The following METTL16 variants were observed in gnomAD, a reference collection of about 807,000 sequenced individuals.
METTL16 encodes the protein RNA N(6)-adenosine-methyltransferase METTL16.
In METTL16, 19 loss-of-function variants were observed where a neutral mutation model predicts 57.9. The ratio of observed to expected loss-of-function variants is 0.33; its 90% confidence interval spans 0.23 to 0.48. METTL16 has a LOEUF of 0.48. Ranked by LOEUF, METTL16 falls within the 20% of genes least tolerant of loss-of-function variation. The probability of loss-of-function intolerance (pLI) is 0.99; values close to 1 mark genes in which losing one functional copy is unlikely to be tolerated. For missense variants in METTL16, 434 were observed against 691.5 expected, an observed-to-expected ratio of 0.63 and a Z score of 4.18; for synonymous variants, 246 against 255.6, an observed-to-expected ratio of 0.96 and a Z score of 0.36.
intron 3 of METTL16, 42 bp from the exon 4 acceptor site, chr17:2,473,706 G>C (rs192227334): frequency 6.3e-6 from 10 of 1,585,136 alleles, no homozygotes; most frequent in Non-Finnish European, 8.6e-6. Flanking sequence ...CACACCAGAG[G>C]GAAAGGTTAC....
chr17:2,489,672 G>A (rs2067370181), intron 2 of METTL16, among the ~76,000 whole-genome samples: 1 of 133,696 alleles, frequency 7.5e-6, no homozygotes, highest in South Asian at 2.6e-4. Flanking sequence ...CTGAGAGGTG[G>A]AGGTTGCAGT....
At chr17:2,457,382 ACTACATG>A (rs1255192351) in intron 6 of METTL16, among the ~76,000 whole-genome samples, 2 of 145,310 alleles carry the variant, frequency 1.4e-5, no homozygotes, top group African/African-American at 5.2e-5. Flanking sequence ...TAACATTTAT[ACTACATG>A]CTGCAACCTC....
intron 2 of METTL16, among the ~76,000 whole-genome samples, chr17:2,493,444 C>T (rs1373124667): frequency 6.6e-6 from 1 of 151,298 alleles, no homozygotes; most frequent in African/African-American, 2.4e-5. Context: ...GTAGGCTGGG[C>T]GCTGTGGCTC....
intron 2 of METTL16, 135 bp downstream of exon 2, chr17:2,502,069 A>AGAG: frequency 2.5e-6 from 2 of 799,028 alleles, no homozygotes; most frequent in Non-Finnish European, 3.9e-6. Flanking sequence ...AGACCAAGAG[A>AGAG]GGTTAAGTGA....
Position 2,420,602 on chromosome 17 carries a change from T to C in METTL16, c.1063-6A>G, listed in dbSNP as rs751263774. On this transcript the variant is annotated splice_polypyrimidine_tract_variant and splice_region_variant and intron_variant, in intron 9 of 9. Coordinates refer to ENST00000263092, the MANE Select transcript of METTL16 (RefSeq NM_024086.4). The surrounding 1 kb of genome is among the most constrained non-coding windows in gnomAD (Gnocchi z 5.4). ...GGAACTCGTTTATGCTGGACCTGTTTGGAGGAAAAACAGAATTTTGTGGGA... is the reference window on the plus strand; with the variant it reads ...GGAACTCGTTTATGCTGGACCTGTTCGGAGGAAAAACAGAATTTTGTGGGA... The C allele has an allele frequency of 3.2e-6, 5 of 1,587,210 alleles. No individual in the cohort carries two copies. The highest frequency in any genetic ancestry group is 2.3e-5 in the South Asian group (2 of 86,732).
At chr17:2,467,961 G>T in intron 4 of METTL16, 85 bp from the exon 5 acceptor site, 1 of 888,072 alleles carries the variant, frequency 1.1e-6, no homozygotes, top group Non-Finnish European at 1.9e-6. Flanking sequence ...TGATTCTTTG[G>T]TCAACTGCAT....
At chr17:2,423,590 G>C (rs1021311865) in intron 8 of METTL16, among the ~76,000 whole-genome samples, 3 of 151,974 alleles carry the variant, frequency 2.0e-5, no homozygotes, top group Non-Finnish European at 4.4e-5. Context: ...CCCATTCCCC[G>C]TCCCAACATC....
At chr17:2,453,992 CT>C (rs1248351666) in intron 6 of METTL16, among the ~76,000 whole-genome samples, 1 of 152,112 alleles carries the variant, frequency 6.6e-6, no homozygotes, top group Admixed American at 6.6e-5. Flanking sequence ...ACTCTATCCC[CT>C]GTATGTACTG....
Position 2,419,556 on chromosome 17 carries a change from C to G in METTL16, c.*414G>C, listed in dbSNP as rs929838556. 4.2e-5 allele frequency: 19 copies of G among 456,934 alleles called. No individual in the cohort carries two copies. Among genetic ancestry groups the G allele is most frequent in the African/African-American group, 3.6e-4 (18 of 50,134 alleles). 28.3% of individuals were successfully genotyped at this position (456,934 alleles called of 1,614,324 possible). ...GGGTACCAGGGCCTCCAGCTGGAGGCAGAGAGAGCCACCCCTCCTCAAGAA... is the reference window on the plus strand; with the variant it reads ...GGGTACCAGGGCCTCCAGCTGGAGGGAGAGAGAGCCACCCCTCCTCAAGAA... On this transcript the variant is annotated 3_prime_UTR_variant, in exon 10 of 10. Coordinates refer to ENST00000263092, the MANE Select transcript of METTL16 (RefSeq NM_024086.4).
At chr17:2,456,886 T>A (rs1192171142) in intron 6 of METTL16, among the ~76,000 whole-genome samples, 2 of 151,284 alleles carry the variant, frequency 1.3e-5, no homozygotes, top group African/African-American at 4.9e-5. Flanking sequence ...GTCTCCCAGG[T>A]AAGTGATTCT....
At chr17:2,468,455 A>G (rs998699634) in intron 4 of METTL16, among the ~76,000 whole-genome samples, 1 of 152,196 alleles carries the variant, frequency 6.6e-6, no homozygotes, top group Admixed American at 6.5e-5. Context: ...CCACCCATAC[A>G]TCCTTCAGAT....
chr17:2,478,300 AC>A (rs1345945449), intron 2 of METTL16, among the ~76,000 whole-genome samples: 1 of 152,180 alleles, frequency 6.6e-6, no homozygotes, highest in Non-Finnish European at 1.5e-5. Flanking sequence ...GTGCATAATA[AC>A]TATTTTACAA....
intron 2 of METTL16, among the ~76,000 whole-genome samples, chr17:2,486,148 G>C (rs2067339376): frequency 6.6e-6 from 1 of 152,150 alleles, no homozygotes; most frequent in Non-Finnish European, 1.5e-5. Flanking sequence ...GGTGAAGCTG[G>C]GGAGGAAGGC....
intron 3 of METTL16, among the ~76,000 whole-genome samples, chr17:2,475,753 A>G (rs1462229891): frequency 1.3e-5 from 2 of 152,374 alleles, no homozygotes; most frequent in Non-Finnish European, 2.9e-5. Context: ...GTAGAATTAG[A>G]GCAAACTGAT....
At chr17:2,493,117 T>C (rs1333982885) in intron 2 of METTL16, among the ~76,000 whole-genome samples, 2 of 149,662 alleles carry the variant, frequency 1.3e-5, no homozygotes, top group Admixed American at 1.4e-4. Flanking sequence ...AGTTTATATT[T>C]TGGTGATTCT....
chr17:2,447,761 T>A (rs1597448287), intron 6 of METTL16, among the ~76,000 whole-genome samples: 1 of 93,048 alleles, frequency 1.1e-5, no homozygotes, highest in Admixed American at 1.1e-4. Flanking sequence ...GGTGGGGGGA[T>A]CAGCCCCCCG....
intron 6 of METTL16, among the ~76,000 whole-genome samples, chr17:2,457,809 T>G (rs1418760291): frequency 3.3e-5 from 5 of 152,134 alleles, no homozygotes; most frequent in African/African-American, 1.2e-4. Context: ...CTTTATGAGA[T>G]AGCTACTATC....
chr17:2,439,141 G>A (rs780849888), intron 7 of METTL16, among the ~76,000 whole-genome samples: 13 of 152,138 alleles, frequency 8.5e-5, no homozygotes, highest in East Asian at 1.9e-4. Context: ...ACAGGGTCTC[G>A]CTCTGTCGTC....
chr17:2,477,370 G>A (rs142398204), intron 3 of METTL16: 188 of 259,980 alleles, frequency 7.2e-4, no homozygotes, highest in African/African-American at 4.0e-3. Context: ...AATCCAAAAT[G>A]CTTGGGATGA....
Sources: allele counts gnomAD v4.1 joint callset (sites outside exome capture counted in the v4.1 genomes callset), GRCh38; gene constraint gnomAD v4.1.1; non-coding constraint Gnocchi (gnomAD v3.1); transcripts MANE v1.5; gene names NCBI Gene and HGNC (gene_info 2026-07-23, HGNC 2026-07-21).